The following SIL1 variants were observed in gnomAD, a reference collection of about 807,000 sequenced individuals.
SIL1 encodes nucleotide exchange factor SIL1.
Under a neutral mutation model 49.1 loss-of-function variants are expected in SIL1, and 40 were observed. The ratio of observed to expected loss-of-function variants is 0.81; its 90% CI spans 0.63 to 1.06. The LOEUF is 1.06. Ranked by LOEUF, SIL1 falls within the 50% of genes least tolerant of loss-of-function variation. The pLI, the probability that SIL1 is intolerant of heterozygous loss-of-function variation, is 0.00. For missense variants in SIL1, 500 were observed against 572.6 expected, an observed-to-expected ratio of 0.87 and a Z score of 1.29; for synonymous variants, 253 against 250.8, an observed-to-expected ratio of 1.01 and a Z score of -0.08.
chr5:139,159,171 C>T (rs1397029462), intron 1 of SIL1, among the ~76,000 whole-genome samples: 1 of 152,074 alleles, frequency 6.6e-6, no homozygotes, highest in Non-Finnish European at 1.5e-5. Context: ...CAAATTCTAC[C>T]CAAATCACTA....
In SIL1 at chr5:139,055,552, A is replaced by T. The variant is rs536567800; in HGVS notation, c.245-4506T>A. Among the ~76,000 whole-genome samples the T allele has an allele frequency of 3.3e-5, 5 of 151,636 alleles. No homozygotes were observed. The South Asian group carries it at 1.0e-3, about 32-fold the overall frequency. On this transcript the variant is annotated intron_variant, in intron 3 of 9. Transcript: ENST00000394817. ...GTTTGAAATGTGCTTGCATGGTTGT[A>T]TCATGTTCTGCTATTGTCATGAAAA...
At chr5:139,085,717 G>A (rs1322544651) in intron 3 of SIL1, among the ~76,000 whole-genome samples, 1 of 152,120 alleles carries the variant, frequency 6.6e-6, no homozygotes, top group Non-Finnish European at 1.5e-5. Flanking sequence ...GCATGAATGG[G>A]ACAGGCAAAT....
At chr5:138,990,759 T>C (rs1767738079) in intron 7 of SIL1, among the ~76,000 whole-genome samples, 1 of 152,130 alleles carries the variant, frequency 6.6e-6, no homozygotes, top group Non-Finnish European at 1.5e-5. Flanking sequence ...TGACAGAGTC[T>C]TGCTGAAGTC....
intron 1 of SIL1, 122 bp from the exon 2 acceptor site, chr5:139,127,975 G>A (rs939699261): frequency 1.4e-5 from 10 of 712,602 alleles, no homozygotes; most frequent in African/African-American, 1.1e-4. Context: ...GAGGTATAAC[G>A]AGTCTTCTAC....
chr5:139,100,661 T>C (rs892093140), intron 3 of SIL1, among the ~76,000 whole-genome samples: 5 of 152,162 alleles, frequency 3.3e-5, no homozygotes, highest in African/African-American at 1.2e-4. Context: ...TGAGAAGTGG[T>C]CAAATTCTGG....
At chr5:139,195,081 C>T (rs751325486) in intron 1 of SIL1, among the ~76,000 whole-genome samples, 3 of 151,902 alleles carry the variant, frequency 2.0e-5, no homozygotes, top group East Asian at 1.9e-4. Flanking sequence ...TACAGGCATG[C>T]GCCACCACGC....
chr5:139,134,985 C>G (rs113064058), intron 1 of SIL1, among the ~76,000 whole-genome samples: 94 of 152,196 alleles, frequency 6.2e-4, no homozygotes, highest in African/African-American at 2.0e-3. Context: ...TGAAAGGACG[C>G]CCCTGACAAG....
chr5:138,973,485 A>G (rs1054294544), intron 7 of SIL1, among the ~76,000 whole-genome samples: 1 of 152,078 alleles, frequency 6.6e-6, no homozygotes, highest in Non-Finnish European at 1.5e-5. Flanking sequence ...CTTTTGAGAC[A>G]GGGTCTCGCC....
chr5:138,967,599 T>TG (rs1767172222), intron 7 of SIL1, among the ~76,000 whole-genome samples: 1 of 152,068 alleles, frequency 6.6e-6, no homozygotes, highest in African/African-American at 2.4e-5. Flanking sequence ...GCAGCTTCAG[T>TG]GGGGGTCAAA....
At chr5:139,170,808 G>A (rs868416298) in intron 1 of SIL1, among the ~76,000 whole-genome samples, 3 of 149,946 alleles carry the variant, frequency 2.0e-5, no homozygotes, top group South Asian at 2.1e-4. Context: ...CAGCCGCCCC[G>A]TCCGGGAGGG....
rs796205706 is a variant in SIL1, at chr5:139,152,640, GA to G, written c.-10-24788del. Among the ~76,000 whole-genome samples the G allele has an allele frequency of 3.2e-3, 432 of 136,146 alleles. 2 individuals carry two copies. Among genetic ancestry groups the G allele is most frequent in the African/African-American group, 0.01 (373 of 36,970 alleles). 89.3% of individuals were successfully genotyped at this position (136,146 alleles called of 152,430 possible). Reference sequence around the variant, plus strand: ...CATCTTGGGAAAAAAAAAAAGAAAAGAAAAAAAAAAAGAATGTAGAGGGATT... The same window carrying G: ...CATCTTGGGAAAAAAAAAAAGAAAAGAAAAAAAAAAGAATGTAGAGGGATT... On this transcript the variant is annotated intron_variant, in intron 1 of 9. Transcript: ENST00000394817.
In SIL1 at chr5:138,952,360, C is replaced by T. The variant is rs149997141; in HGVS notation, c.768-476G>A. On this transcript the variant is annotated intron_variant, in intron 7 of 9. Coordinates refer to ENST00000394817, the MANE Select transcript of SIL1 (RefSeq NM_022464.5). The stretch of plus-strand genomic sequence containing the variant: ...CCCAAGGCCAGGGCCCCATCCCTCT[C>T]CTCTCCTGGGTCGGCACTCAGACTG... Among the ~76,000 whole-genome samples, 447 of 152,402 alleles carry T rather than the reference C, an allele frequency of 2.9e-3. 1 individual carries two copies. Among genetic ancestry groups the T allele is most frequent in the African/African-American group, 0.01 (418 of 41,604 alleles).
chr5:139,130,099 C>T (rs983160671), intron 1 of SIL1, among the ~76,000 whole-genome samples: 2 of 152,002 alleles, frequency 1.3e-5, no homozygotes, highest in African/African-American at 4.8e-5. Context: ...ATGGCTAGAC[C>T]TCTTCTCTAA....
chr5:139,110,319 T>C (rs1267268939), intron 3 of SIL1, among the ~76,000 whole-genome samples: 1 of 151,946 alleles, frequency 6.6e-6, no homozygotes, highest in African/African-American at 2.4e-5. Flanking sequence ...AAAAAGAACT[T>C]TACAAATATA....
chr5:138,987,407 A>G (rs569820807), intron 7 of SIL1, among the ~76,000 whole-genome samples: 3 of 152,212 alleles, frequency 2.0e-5, no homozygotes, highest in African/African-American at 4.8e-5. Context: ...AAAAAAATCT[A>G]ACTAGTCATC....
intron 1 of SIL1, among the ~76,000 whole-genome samples, chr5:139,132,930 T>C (rs1365571944): frequency 1.3e-5 from 2 of 152,096 alleles, no homozygotes; most frequent in Non-Finnish European, 2.9e-5. Flanking sequence ...GTCCCTGGCA[T>C]AAGTAAAGCC....
chr5:139,147,178 G>A (rs1751210254), intron 1 of SIL1, among the ~76,000 whole-genome samples: 2 of 152,108 alleles, frequency 1.3e-5, no homozygotes, highest in Admixed American at 1.3e-4. Context: ...TCAGGCAAGG[G>A]GTTTCCCTTG....
intron 7 of SIL1, among the ~76,000 whole-genome samples, chr5:139,016,564 G>A (rs536728076): frequency 6.6e-6 from 1 of 152,238 alleles, no homozygotes; most frequent in Admixed American, 6.5e-5. Context: ...GTAAGATGAT[G>A]ATGTTGCCAA....
intron 1 of SIL1, among the ~76,000 whole-genome samples, chr5:139,175,965 GA>G (rs1051854151): frequency 4.1e-5 from 6 of 146,922 alleles, no homozygotes; most frequent in African/African-American, 1.2e-4. Context: ...GTCTCAAAAA[GA>G]AAAAAAAAAG....
Sources: allele counts gnomAD v4.1 joint callset (sites outside exome capture counted in the v4.1 genomes callset), GRCh38; gene constraint gnomAD v4.1.1; transcripts MANE v1.5; gene names NCBI Gene and HGNC (gene_info 2026-07-23, HGNC 2026-07-21).